The following GASK1A variants were observed in gnomAD, a reference collection of about 807,000 sequenced individuals.
GASK1A encodes the protein Golgi-associated kinase 1A.
GASK1A carries 40 observed loss-of-function variants against 41.2 expected under a neutral mutation model. The observed-to-expected ratio is 0.97, with a 90% CI of 0.75 to 1.27. GASK1A has a LOEUF of 1.27. GASK1A is among the 50% of genes most tolerant of loss of function. GASK1A has a pLI of 0.00. For missense variants in GASK1A, 678 were observed against 745.1 expected, an observed-to-expected ratio of 0.91 and a Z score of 1.05; for synonymous variants, 316 against 307.1, an observed-to-expected ratio of 1.03 and a Z score of -0.30.
At chr3:43,041,106 T>G (rs1376419816) in intron 2 of GASK1A, among the ~76,000 whole-genome samples, 4 of 150,316 alleles carry the variant, frequency 2.7e-5, no homozygotes, top group African/African-American at 7.3e-5. Context: ...TGCCACATTT[T>G]CTTAATCCAG....
intron 1 of GASK1A, among the ~76,000 whole-genome samples, chr3:42,987,712 A>G (rs1267259602): frequency 6.6e-6 from 1 of 152,140 alleles, no homozygotes. Context: ...AGTAGGATAG[A>G]GAGAGGCTGG....
intron 1 of GASK1A, among the ~76,000 whole-genome samples, chr3:43,020,856 T>A (rs2089518488): frequency 6.6e-6 from 1 of 152,176 alleles, no homozygotes; most frequent in Non-Finnish European, 1.5e-5. Context: ...ACATGGTGTA[T>A]GTTATATCCA....
intron 2 of GASK1A, chr3:43,037,416 G>T (rs2089609873): frequency 2.2e-6 from 2 of 908,362 alleles, no homozygotes; most frequent in South Asian, 1.4e-5. Context: ...CACAGAAGCT[G>T]CTCTGGAGGC....
chr3:43,055,895 A>G, intron 4 of GASK1A: 1 of 482,668 alleles, frequency 2.1e-6, no homozygotes. Flanking sequence ...CTGGCCCTGC[A>G]TTTGCCAAGT....
intron 2 of GASK1A, among the ~76,000 whole-genome samples, chr3:43,048,310 A>G (rs944381562): frequency 5.9e-5 from 9 of 152,208 alleles, no homozygotes; most frequent in Admixed American, 2.6e-4. Context: ...TGTTGTGTCC[A>G]GTGCTAGGTA....
intron 1 of GASK1A, among the ~76,000 whole-genome samples, chr3:43,028,439 A>G (rs1333147426): frequency 6.6e-6 from 1 of 152,204 alleles, no homozygotes; most frequent in Non-Finnish European, 1.5e-5. Context: ...AATACAGAAA[A>G]TATACCATAA....
intron 2 of GASK1A, among the ~76,000 whole-genome samples, chr3:43,049,487 G>C (rs1410871941): frequency 2.0e-5 from 3 of 152,216 alleles, no homozygotes; most frequent in African/African-American, 7.2e-5. Context: ...AAGCAGTAAA[G>C]AGGGTACTCC....
At chr3:43,041,022 A>G (rs1160424321) in intron 2 of GASK1A, among the ~76,000 whole-genome samples, 4 of 150,174 alleles carry the variant, frequency 2.7e-5, no homozygotes, top group East Asian at 1.9e-4. Flanking sequence ...ATGATTTCCA[A>G]TTTCATCCAT....
chr3:43,000,980 G>A (rs561398198), intron 1 of GASK1A, among the ~76,000 whole-genome samples: 86 of 152,326 alleles, frequency 5.6e-4, no homozygotes, highest in Middle Eastern at 3.4e-3. Context: ...GCACCATCAT[G>A]AACTGGTGGA....
intron 1 of GASK1A, among the ~76,000 whole-genome samples, chr3:43,022,072 G>A (rs2089525184): frequency 6.6e-6 from 1 of 152,158 alleles, no homozygotes; most frequent in Non-Finnish European, 1.5e-5. Context: ...GAGGAGGTGG[G>A]GCCGCCCCCC....
intron 1 of GASK1A, among the ~76,000 whole-genome samples, chr3:42,994,396 C>A (rs1304764073): frequency 6.6e-6 from 1 of 152,030 alleles, no homozygotes; most frequent in Non-Finnish European, 1.5e-5. Flanking sequence ...GGAGGAAGCA[C>A]TGATAGGGAG....
chr3:43,050,541 G>A (rs538908960), intron 2 of GASK1A, among the ~76,000 whole-genome samples: 40 of 152,030 alleles, frequency 2.6e-4, no homozygotes, highest in Non-Finnish European at 7.4e-5. Flanking sequence ...CCTCTTGGAC[G>A]TGTAGATCAA....
At chr3:42,980,568 C>T (rs547003278) in intron 1 of GASK1A, among the ~76,000 whole-genome samples, 1 of 152,110 alleles carries the variant, frequency 6.6e-6, no homozygotes, top group East Asian at 1.9e-4. Flanking sequence ...TTTTGCTGGG[C>T]CTGGGGTTTA....
Position 43,033,488 on chromosome 3 carries a change from GC to G in GASK1A, c.1229del (p.Pro410ArgfsTer87). On this transcript the variant is annotated frameshift_variant, in exon 2 of 5. Coordinates refer to ENST00000430121, the MANE Select transcript of GASK1A (RefSeq NM_001129908.3). LOFTEE classifies it high-confidence loss of function. ...ACACAGCTGCAACTGGCCAGGCCAG[GC>G]CCCGTGCCCGGGCATCCACCATACC... ...LAHSCNWPGQAPCPGIHHTEW... is the reference protein window; with the variant it reads ...LAHSCNWPGQXPCPGIHHTEW... 1 of 1,550,224 alleles carries G rather than the reference GC, an allele frequency of 6.5e-7. No individual in the cohort carries two copies. The highest frequency in any genetic ancestry group is 8.7e-7 in the Non-Finnish European group (1 of 1,146,730).
At position 43,033,372 on chromosome 3, in the gene GASK1A, G is replaced by T. The variant is rs903018881; in HGVS notation, c.1109G>T (p.Trp370Leu). ...GACGGTGGAGCAAGGCCTGTCATCTGGTGGGCACCCGATGTGCAGCACCTG... is the reference window on the plus strand; with the variant it reads ...GACGGTGGAGCAAGGCCTGTCATCTTGTGGGCACCCGATGTGCAGCACCTG... ...YTDGGARPVI[W>L]WAPDVQHLSD... The change falls in exon 2 of 5, where the codon TGG (tryptophan) becomes TTG (leucine). Residue 370 changes from tryptophan (W) to leucine (L), a missense_variant. Physicochemically the swap from Trp to Leu is moderately conservative, Grantham distance 61. Coordinates refer to ENST00000430121, the MANE Select transcript of GASK1A (RefSeq NM_001129908.3). 12 of 1,551,416 alleles carry T rather than the reference G, an allele frequency of 7.7e-6. No individual in the cohort carries two copies. Among genetic ancestry groups the T allele is most frequent in the African/African-American group, 1.4e-5 (1 of 73,058 alleles).
chr3:43,048,854 T>A (rs2089675811), intron 2 of GASK1A, among the ~76,000 whole-genome samples: 1 of 152,190 alleles, frequency 6.6e-6, no homozygotes, highest in East Asian at 1.9e-4. Flanking sequence ...TACCATAGTT[T>A]CAGAACCCAA....
At chr3:43,036,481 G>A (rs958768253) in intron 2 of GASK1A, among the ~76,000 whole-genome samples, 38 of 152,104 alleles carry the variant, frequency 2.5e-4, no homozygotes, top group Admixed American at 2.4e-3. Flanking sequence ...TCCCATTTAT[G>A]TAGGCACAAA....
intron 1 of GASK1A, among the ~76,000 whole-genome samples, chr3:43,031,793 T>C (rs2089577306): frequency 6.6e-6 from 1 of 152,186 alleles, no homozygotes; most frequent in African/African-American, 2.4e-5. Context: ...CTAAGGAGGC[T>C]GGCAAAGTCA....
Position 43,033,025 on chromosome 3 carries a change from T to G in GASK1A, c.762T>G (p.Gly254=). Reference sequence around the variant, plus strand: ...CGCTGTTGAGCAGCTCGAGGACTGGTGGGCAGGCTCCCCCATGGCTGACAG... The same window carrying G: ...CGCTGTTGAGCAGCTCGAGGACTGGGGGGCAGGCTCCCCCATGGCTGACAG... The part of the protein sequence containing the change: ...AETLLSSSRT[G]GQAPPWLTDH... The change falls in exon 2 of 5, where the codon GGT becomes GGG. Residue 254 remains glycine, a synonymous_variant. Transcript: ENST00000430121. 1 of 1,551,692 alleles carries G rather than the reference T, an allele frequency of 6.4e-7. No homozygotes were observed. Among genetic ancestry groups the G allele is most frequent in the East Asian group, 2.4e-5 (1 of 40,912 alleles).
Sources: gnomAD v4.1 joint callset for allele counts (sites outside exome capture counted in the v4.1 genomes callset) on GRCh38, gnomAD v4.1.1 for gene constraint, MANE v1.5 for transcripts, NCBI Gene and HGNC (gene_info 2026-07-23, HGNC 2026-07-21) for gene names.